SENP5: variants seen among roughly 807,000 people sequenced by gnomAD.
The protein encoded by SENP5 is SUMO specific peptidase 5.
Under a neutral mutation model 74.2 loss-of-function variants are expected in SENP5, and 21 were observed. The ratio of observed to expected loss-of-function variants is 0.28; its 90% CI spans 0.20 to 0.41. SENP5 has a LOEUF of 0.41. SENP5 is among the 10% of genes least tolerant of loss of function. The probability of loss-of-function intolerance (pLI) is 1.00; values close to 1 mark genes in which losing one functional copy is unlikely to be tolerated. For missense variants in SENP5, 717 were observed against 889.1 expected, an observed-to-expected ratio of 0.81 and a Z score of 2.46; for synonymous variants, 311 against 312.7, an observed-to-expected ratio of 0.99 and a Z score of 0.06.
chr3:196,898,543 T>C (rs1714549450), intron 2 of SENP5, among the ~76,000 whole-genome samples: 1 of 151,812 alleles, frequency 6.6e-6, no homozygotes, highest in Admixed American at 6.6e-5. Flanking sequence ...TGTAGTGAGC[T>C]ATGATTGTGT....
intron 6 of SENP5, among the ~76,000 whole-genome samples, chr3:196,921,562 G>A (rs1715622232): frequency 6.6e-6 from 1 of 151,828 alleles, no homozygotes. Context: ...TATACATCTG[G>A]TTTTATTTAC....
At chr3:196,927,989 C>T in intron 8 of SENP5, 110 bp downstream of exon 8, 2 of 631,814 alleles carry the variant, frequency 3.2e-6, no homozygotes, top group South Asian at 4.0e-5. Flanking sequence ...CCAAGGAGAG[C>T]CTGGAGGCTC....
chr3:196,926,180 T>C (rs2108865676), intron 7 of SENP5, among the ~76,000 whole-genome samples: 1 of 152,318 alleles, frequency 6.6e-6, no homozygotes, highest in South Asian at 2.1e-4. Context: ...GCCTGTATTT[T>C]ACTTAAGAAT....
At chr3:196,908,378 G>T (rs1296262184) in intron 6 of SENP5, among the ~76,000 whole-genome samples, 1 of 152,182 alleles carries the variant, frequency 6.6e-6, no homozygotes, top group Non-Finnish European at 1.5e-5. Context: ...AAATCAAGAA[G>T]TTCTTTGAAA....
At chr3:196,906,341 A>G (rs2108843125) in intron 6 of SENP5, among the ~76,000 whole-genome samples, 1 of 152,344 alleles carries the variant, frequency 6.6e-6, no homozygotes, top group African/African-American at 2.4e-5. Context: ...TAGTAAATCA[A>G]GAAATAAAGA....
At chr3:196,888,020 G>A (rs897742240) in intron 2 of SENP5, among the ~76,000 whole-genome samples, 7 of 152,030 alleles carry the variant, frequency 4.6e-5, no homozygotes, top group East Asian at 1.9e-4. Context: ...TGCCCGCCTC[G>A]GCCAGTCTGC....
At chr3:196,887,456 A>G (rs1162962966) in intron 2 of SENP5, among the ~76,000 whole-genome samples, 1 of 151,566 alleles carries the variant, frequency 6.6e-6, no homozygotes, top group East Asian at 1.9e-4. Context: ...CTGGGATTAC[A>G]GGCGTGAGAC....
intron 2 of SENP5, among the ~76,000 whole-genome samples, chr3:196,891,771 G>T (rs13079776): frequency 3.3e-5 from 5 of 151,994 alleles, no homozygotes; most frequent in African/African-American, 1.2e-4. Flanking sequence ...TGCATTCCAC[G>T]CTGGGTGACA....
chr3:196,921,265 T>C (rs558691203), intron 6 of SENP5, among the ~76,000 whole-genome samples: 1 of 152,330 alleles, frequency 6.6e-6, no homozygotes, highest in South Asian at 2.1e-4. Flanking sequence ...TATGCAACAG[T>C]TTATGTACAT....
At chr3:196,869,759 C>CAAAAAAA (rs58745670) in intron 1 of SENP5, among the ~76,000 whole-genome samples, 7 of 37,972 alleles carry the variant, frequency 1.8e-4, no homozygotes, top group East Asian at 8.7e-4. Context: ...AACTCCGTCT[C>CAAAAAAA]AAAAAAAAAA....
chr3:196,870,512 A>G (rs559268087), intron 1 of SENP5, among the ~76,000 whole-genome samples: 2 of 152,098 alleles, frequency 1.3e-5, no homozygotes, highest in Non-Finnish European at 2.9e-5. Flanking sequence ...TGTTTATAGC[A>G]TGTTGATTTT....
At chr3:196,906,743 G>A (rs1714919044) in intron 6 of SENP5, among the ~76,000 whole-genome samples, 1 of 152,176 alleles carries the variant, frequency 6.6e-6, no homozygotes, top group Non-Finnish European at 1.5e-5. Flanking sequence ...ACAGATCAGG[G>A]CCTTGAGGTT....
chr3:196,914,586 A>ATATATATATATATATAT (rs1553825368), intron 6 of SENP5: 1 of 33,502 alleles, frequency 3.0e-5, no homozygotes, highest in East Asian at 8.1e-4. Flanking sequence ...AAAAAAAAAA[A>ATATATATATATATATAT]ATATATATAT....
intron 6 of SENP5, 124 bp downstream of exon 6, chr3:196,903,734 A>G (rs1380260995): frequency 6.9e-6 from 4 of 576,248 alleles, no homozygotes; most frequent in African/African-American, 1.9e-5. Flanking sequence ...TAATGTGACA[A>G]GTTTTAAATT....
chr3:196,907,969 A>G (rs1054363374), intron 6 of SENP5, among the ~76,000 whole-genome samples: 2 of 152,110 alleles, frequency 1.3e-5, no homozygotes, highest in African/African-American at 4.8e-5. Flanking sequence ...AAGGTTGAAA[A>G]TGAAGTGACA....
chr3:196,873,324 C>T (rs981986307), intron 1 of SENP5, among the ~76,000 whole-genome samples: 7 of 151,826 alleles, frequency 4.6e-5, no homozygotes, highest in South Asian at 2.1e-4. Flanking sequence ...TCGCCTGCCT[C>T]GGCCTCCCAA....
chr3:196,890,208 A>G (rs967457084), intron 2 of SENP5, among the ~76,000 whole-genome samples: 3 of 152,236 alleles, frequency 2.0e-5, no homozygotes, highest in African/African-American at 7.2e-5. Flanking sequence ...GAGAAAAGCC[A>G]ACACAATGAA....
In SENP5 at chr3:196,876,542, A is replaced by T. The variant is rs147262510; in HGVS notation, c.-32+8469A>T. On this transcript the variant is annotated intron_variant, in intron 1 of 9. Transcript: ENST00000323460. ...CAAAAAAAAAAAAAAAAAGAAAAGA[A>T]AAAAGTATTTATGTTCTTTCAACCT... 8.9e-3 allele frequency among the ~76,000 whole-genome samples: 1,347 copies of T among 151,554 alleles called. 21 individuals carry two copies. Among genetic ancestry groups the T allele is most frequent in the African/African-American group, 0.031 (1,289 of 41,290 alleles).
chr3:196,883,613 C>T lies in SENP5; in HGVS notation c.-31-1538C>T, dbSNP rs146031658. The stretch of plus-strand genomic sequence containing the variant: ...TTGAGCCAGCGTTTCCTTTTCAACA[C>T]CACCCATACTCCTGACTTTCATAGG... On this transcript the variant is annotated intron_variant, in intron 1 of 9. Transcript: ENST00000323460. Among the ~76,000 whole-genome samples, 310 of 152,240 alleles carry T rather than the reference C, an allele frequency of 2.0e-3. 1 individual carries two copies. The highest frequency in any genetic ancestry group is 4.6e-3 in the South Asian group (22 of 4,814).
Sources: gnomAD v4.1 joint callset for allele counts (sites outside exome capture counted in the v4.1 genomes callset) on GRCh38, gnomAD v4.1.1 for gene constraint, MANE v1.5 for transcripts, NCBI Gene and HGNC (gene_info 2026-07-23, HGNC 2026-07-21) for gene names.